The following TAS1R2 variants were observed in gnomAD, a reference collection of about 807,000 sequenced individuals.
The protein encoded by TAS1R2 is taste 1 receptor member 2.
TAS1R2 carries 47 observed loss-of-function variants against 49.3 expected under a neutral mutation model. The observed-to-expected ratio is 0.95, with a 90% CI of 0.75 to 1.22. TAS1R2 has a LOEUF of 1.22. Ranked by LOEUF, TAS1R2 falls within the 50% of genes most tolerant of loss-of-function variation. The pLI, the probability that TAS1R2 is intolerant of heterozygous loss-of-function variation, is 0.00. For missense variants in TAS1R2, 1,155 were observed against 1,122.1 expected (o/e 1.03, Z -0.42); for synonymous variants, 479 against 467.9 (o/e 1.02, Z -0.31).
At chr1:18,852,894 TCTC>T (rs2100519238) in intron 3 of TAS1R2, among the ~76,000 whole-genome samples, 1 of 152,328 alleles carries the variant, frequency 6.6e-6, no homozygotes, top group African/African-American at 2.4e-5. Flanking sequence ...ACTGTCCTCA[TCTC>T]CTCCTAGGTT....
In TAS1R2 at chr1:18,854,908, C is replaced by T. The variant is rs778307315; in HGVS notation, c.562G>A (p.Asp188Asn). 50 of 1,613,198 alleles carry T rather than the reference C, an allele frequency of 3.1e-5. No individual in the cohort carries two copies. Among genetic ancestry groups the T allele is most frequent in the South Asian group, 7.7e-5 (7 of 91,060 alleles). Residue 188 changes from aspartate to asparagine, a missense_variant, in exon 3 of 6, where the codon GAC becomes AAC. Transcript: ENST00000375371. The surrounding 1 kb of genome is among the most constrained non-coding windows in gnomAD (Gnocchi z 4.9). The stretch of plus-strand genomic sequence containing the variant: ...TGCACCATGGCCTCGATGTGGTGGT[C>T]GGCGCTGGGTGTGGTACGCAGCAAA...
At chr1:18,841,836 C>A (rs763109841) in exon 5 of TAS1R2, 2 of 1,611,332 alleles carry the variant, frequency 1.2e-6, no homozygotes, top group Non-Finnish European at 1.7e-6. Flanking sequence ...CCTCTTGGAA[C>A]ACATGGACAT....
rs1449214641 is a variant in TAS1R2 at position 18,851,684 on chromosome 1, C to G, written c.1258-2134G>C. On this transcript the variant is annotated intron_variant, in intron 3 of 5. Coordinates refer to ENST00000375371, the Ensembl canonical transcript of TAS1R2. The stretch of plus-strand genomic sequence containing the variant: ...ACAAATTTGCCAGCCTGGATTTACC[C>G]AACCTCCCACTGATCTGACCCCACC... Among the ~76,000 whole-genome samples the G allele has an allele frequency of 2.0e-5, 3 of 152,118 alleles. No homozygotes were observed. The East Asian group carries it at 5.8e-4, about 29-fold the overall frequency.
At chr1:18,841,973 T>TTTTC (rs1234512411) in intron 4 of TAS1R2, 121 bp from the exon 5 acceptor site, 34 of 828,918 alleles carry the variant, frequency 4.1e-5, no homozygotes, top group Non-Finnish European at 5.0e-5. Flanking sequence ...GGTTTTGGGG[T>TTTTC]GGAAACTGTA....
At position 18,840,401 on chromosome 1, in the gene TAS1R2, G is replaced by C. The variant is rs759572972; in HGVS notation, c.1718C>G (p.Ala573Gly). 7 of 1,614,168 alleles carry C rather than the reference G, an allele frequency of 4.3e-6. 1 individual carries two copies. The African/African-American group carries it at 8.0e-5, about 18-fold the overall frequency. ...CAGGGTGCTGAGGAAGCCCAGGGCG[G>C]CCAGCAGGGCCACAGCGATGGTGGG... Residue 573 changes from alanine to glycine, a missense_variant, in exon 6 of 6, where the codon GCC becomes GGC. By Grantham distance (60) the Ala-to-Gly change is moderately conservative (BLOSUM62 0). Transcript: ENST00000375371.
chr1:18,839,946 G>A lies in TAS1R2; in HGVS notation c.2173C>T (p.Arg725Cys), dbSNP rs776315177. 39 of 1,614,066 alleles carry A rather than the reference G, an allele frequency of 2.4e-5. No homozygotes were observed. Among genetic ancestry groups the A allele is most frequent in the Non-Finnish European group, 3.0e-5 (35 of 1,180,040 alleles). The change falls in exon 6 of 6, where the codon CGC becomes TGC. Residue 725 changes from arginine (R) to cysteine (C), a missense_variant. Coordinates refer to ENST00000375371, the Ensembl canonical transcript of TAS1R2. ...CTGGTGTTGAACAGCAGGCTGTTGC[G>A]GTAGTTGGGGTTACAGGAGACAATT... is the stretch of plus-strand genomic sequence containing the variant.
Position 18,854,800 on chromosome 1 carries a change from C to A in TAS1R2, c.670G>T (p.Gly224Cys), listed in dbSNP as rs767009367. The A allele has an allele frequency of 1.5e-5, 24 of 1,605,924 alleles. No individual in the cohort carries two copies. The Admixed American group carries it at 2.2e-4, about 15-fold the overall frequency. ...ATGTCGCGCCGGGCCACGCGCTCGC[C>A]AAGCAGCTGGCCATTGTCGCGGCCA... Residue 224 changes from glycine (G) to cysteine (C), a missense_variant, in exon 3 of 6, where the codon GGC becomes TGC. Physicochemically the swap from Gly to Cys is radical, Grantham distance 159. Transcript: ENST00000375371. This position sits in a 1 kb window ranked among gnomAD's most constrained non-coding sequence, Gnocchi z 4.9.
chr1:18,843,290 C>T (rs981872769), intron 4 of TAS1R2, among the ~76,000 whole-genome samples: 3 of 152,134 alleles, frequency 2.0e-5, no homozygotes, highest in African/African-American at 4.8e-5. Flanking sequence ...CTATGAATGC[C>T]AGAGGATTGG....
At position 18,854,116 on chromosome 1, in the gene TAS1R2, G is replaced by A. The variant is rs1934081047; in HGVS notation, c.1257+97C>T. On this transcript the variant is annotated intron_variant, in intron 3 of 5. Transcript: ENST00000375371. The surrounding 1 kb of genome is among the most constrained non-coding windows in gnomAD (Gnocchi z 4.9). The stretch of plus-strand genomic sequence containing the variant: ...AAGGACTAGTGCTATGTGTCTGGAA[G>A]AATGGGATACTCATGCCCTTTCACA... The A allele has an allele frequency of 3.2e-6, 4 of 1,232,700 alleles. No homozygotes were observed. The highest frequency in any genetic ancestry group is 5.2e-5 in the Admixed American group (2 of 38,678). The allele number at this position is 1,232,700 out of a possible 1,614,324, so 76.4% of individuals were successfully genotyped here. A position where few individuals can be genotyped will look rare whatever the true frequency, so the allele number is the denominator to read the frequency against.
exon 4 of TAS1R2, chr1:18,849,398 G>T (rs771088262): frequency 5.0e-6 from 8 of 1,614,068 alleles, no homozygotes; most frequent in Non-Finnish European, 6.8e-6. Flanking sequence ...GTCGCTGCAG[G>T]GGGTAGTAGG....
At chr1:18,857,182 C>T (rs1354588310) in intron 2 of TAS1R2, 149 bp downstream of exon 2, 3 of 908,176 alleles carry the variant, frequency 3.3e-6, no homozygotes, top group African/African-American at 3.4e-5. Context: ...GCTGGGCTAC[C>T]TTCTCAAGAT....
intron 4 of TAS1R2, among the ~76,000 whole-genome samples, chr1:18,845,463 C>T (rs973002293): frequency 6.6e-6 from 1 of 152,192 alleles, no homozygotes; most frequent in African/African-American, 2.4e-5. Flanking sequence ...TCTCAGGAAC[C>T]CATTGCAGCA....
chr1:18,849,201 T>G, intron 4 of TAS1R2, 140 bp downstream of exon 4: 1 of 909,468 alleles, frequency 1.1e-6, no homozygotes, highest in South Asian at 1.7e-5. Flanking sequence ...CCCCAGACGA[T>G]ACACCCACAA....
intron 4 of TAS1R2, among the ~76,000 whole-genome samples, chr1:18,844,804 T>C (rs181749989): frequency 1.3e-5 from 2 of 152,126 alleles, no homozygotes; most frequent in South Asian, 2.1e-4. Flanking sequence ...CCAATGAAGG[T>C]CAGCTGGCTT....
chr1:18,847,551 A>G (rs1933945379), intron 4 of TAS1R2, among the ~76,000 whole-genome samples: 1 of 123,088 alleles, frequency 8.1e-6, no homozygotes, highest in Non-Finnish European at 1.8e-5. Context: ...GGCTATTAGC[A>G]AAGGAGAGTG....
chr1:18,855,690 A>G (rs1282818778), intron 2 of TAS1R2, among the ~76,000 whole-genome samples: 2 of 152,104 alleles, frequency 1.3e-5, no homozygotes, highest in Non-Finnish European at 2.9e-5. Context: ...GCATACCACA[A>G]CTGCCTGCCT....
intron 2 of TAS1R2, 117 bp downstream of exon 2, chr1:18,857,214 G>A (rs935884011): frequency 8.4e-7 from 1 of 1,194,574 alleles, no homozygotes; most frequent in Non-Finnish European, 1.2e-6. Flanking sequence ...TCCTGACCCT[G>A]CTTCTGGTCC....
At chr1:18,856,158 C>T (rs935584931) in intron 2 of TAS1R2, among the ~76,000 whole-genome samples, 3 of 152,196 alleles carry the variant, frequency 2.0e-5, no homozygotes, top group Non-Finnish European at 4.4e-5. Context: ...GCACAACTCT[C>T]GCCTGTCTGA....
At chr1:18,849,524 G>A (rs1419935659) in exon 4 of TAS1R2, 4 of 1,614,112 alleles carry the variant, frequency 2.5e-6, no homozygotes, top group Non-Finnish European at 3.4e-6. Flanking sequence ...GGAGAGTGAA[G>A]TTGACCTTCC....
Sources: allele counts gnomAD v4.1 joint callset (sites outside exome capture counted in the v4.1 genomes callset), GRCh38; gene constraint gnomAD v4.1.1; non-coding constraint Gnocchi (gnomAD v3.1); transcripts MANE v1.5; gene names NCBI Gene and HGNC (gene_info 2026-07-23, HGNC 2026-07-21).